ADAM32: variants seen among roughly 807,000 people sequenced by gnomAD.
ADAM32 encodes ADAM metallopeptidase domain 32.
In ADAM32, 89 loss-of-function variants were observed where a neutral mutation model predicts 114.9. The ratio of observed to expected loss-of-function variants is 0.77; its 90% confidence interval spans 0.65 to 0.92. The LOEUF is 0.92. Among genes scored for constraint, ADAM32 ranks in the 40% least tolerant of loss-of-function variants. ADAM32 has a pLI of 0.00. For missense variants in ADAM32, 870 were observed against 932.8 expected (o/e 0.93, Z 0.88); for synonymous variants, 285 against 307.5 (o/e 0.93, Z 0.77).
Position 39,234,062 on chromosome 8 carries a change from T to C in ADAM32, c.1798T>C (p.Ser600Pro), listed in dbSNP as rs1458172005. The C allele has an allele frequency of 6.8e-7, 1 of 1,479,890 alleles. No homozygotes were observed. Among genetic ancestry groups the C allele is most frequent in the African/African-American group, 1.4e-5 (1 of 70,952 alleles). The allele number at this position is 1,479,890 out of a possible 1,614,324, so 91.7% of individuals were successfully genotyped here. Reference sequence around the variant, plus strand: ...AGATCCACTGGCTGTCAAAAATGGCTCTCAGTGTGATATTGGGAGGGTAAA... The same window carrying C: ...AGATCCACTGGCTGTCAAAAATGGCCCTCAGTGTGATATTGGGAGGGTAAA... ...VPDPLAVKNG[S>P]QCDIGRVCVN... is the part of the protein sequence containing the mutation. The change falls in exon 16 of 25, where the codon TCT becomes CCT. Residue 600 changes from serine (S) to proline (P), a missense_variant. Ser to Pro is a moderately conservative substitution (Grantham distance 74). Transcript: ENST00000379907.
intron 2 of ADAM32, among the ~76,000 whole-genome samples, chr8:39,127,462 G>A (rs1802185622): frequency 6.6e-6 from 1 of 152,126 alleles, no homozygotes; most frequent in African/African-American, 2.4e-5. Context: ...TAGTTTATGT[G>A]CATAGAGGTG....
intron 3 of ADAM32, among the ~76,000 whole-genome samples, chr8:39,146,073 T>C (rs1264847797): frequency 5.3e-5 from 8 of 152,170 alleles, no homozygotes; most frequent in Admixed American, 3.3e-4. Flanking sequence ...GTCTTTTGGA[T>C]TGGACACTCA....
intron 1 of ADAM32, chr8:39,108,058 C>A: frequency 1.9e-6 from 1 of 513,796 alleles, no homozygotes; most frequent in Non-Finnish European, 3.2e-6. Context: ...CTGAGGCGAG[C>A]TGATTGTTTG....
chr8:39,120,587 C>G (rs1382288650), intron 2 of ADAM32, among the ~76,000 whole-genome samples: 1 of 151,774 alleles, frequency 6.6e-6, no homozygotes, highest in Non-Finnish European at 1.5e-5. Context: ...CATGGTGAAA[C>G]CCTGTCTCTA....
chr8:39,210,365 A>T (rs1343084502), intron 11 of ADAM32, among the ~76,000 whole-genome samples: 1 of 152,186 alleles, frequency 6.6e-6, no homozygotes, highest in African/African-American at 2.4e-5. Context: ...TCTTGTTGTT[A>T]TGCCAAAACC....
At chr8:39,129,962 T>C in intron 2 of ADAM32, 1 of 378,318 alleles carries the variant, frequency 2.6e-6, no homozygotes, top group Non-Finnish European at 5.2e-6. Context: ...TTCCTTTTTT[T>C]TTTTTTTTTC....
Position 39,223,209 on chromosome 8 carries a change from A to G in ADAM32, c.1496A>G (p.Asp499Gly). Reference protein sequence around the residue: ...ICYDGDCHDLDARCESVFGKG... With the variant: ...ICYDGDCHDLGARCESVFGKG... ...TATGACGGAGACTGCCATGATCTCG[A>G]TGCACGTTGTGAGAGTGTATTTGGA... The change falls in exon 14 of 25, where the codon GAT becomes GGT. Residue 499 changes from aspartate (D) to glycine (G), a missense_variant. Asp to Gly is a moderately conservative substitution (Grantham distance 94). Coordinates refer to ENST00000379907, the MANE Select transcript of ADAM32 (RefSeq NM_145004.7). 6.3e-7 allele frequency: 1 copy of G among 1,595,374 alleles called. No homozygotes were observed. Among genetic ancestry groups the G allele is most frequent in the Non-Finnish European group, 8.5e-7 (1 of 1,172,200 alleles).
chr8:39,113,363 TCTTGAA>T (rs147841450), intron 1 of ADAM32, among the ~76,000 whole-genome samples: 7,448 of 152,192 alleles, frequency 0.049, 615 homozygotes, highest in African/African-American at 0.17. Flanking sequence ...GCCATCTATA[TCTTGAA>T]CTTGCTGCAG....
At chr8:39,250,270 CT>C (rs199941796) in intron 17 of ADAM32, among the ~76,000 whole-genome samples, 47 of 146,610 alleles carry the variant, frequency 3.2e-4, no homozygotes, top group Admixed American at 5.5e-4. Flanking sequence ...TTTTTTCAAC[CT>C]TTTTTTTTTG....
At chr8:39,193,126 A>C (rs1365960386) in intron 11 of ADAM32, among the ~76,000 whole-genome samples, 1 of 152,152 alleles carries the variant, frequency 6.6e-6, no homozygotes, top group Non-Finnish European at 1.5e-5. Flanking sequence ...CATATCTTTC[A>C]GGGTTGCCAA....
At chr8:39,266,159 A>G (rs1348520748) in intron 19 of ADAM32, among the ~76,000 whole-genome samples, 1 of 152,054 alleles carries the variant, frequency 6.6e-6, no homozygotes, top group Non-Finnish European at 1.5e-5. Context: ...GTCATCTTGT[A>G]TGGTATCTCA....
intron 12 of ADAM32, among the ~76,000 whole-genome samples, chr8:39,215,692 G>A (rs1046974050): frequency 5.3e-5 from 8 of 151,956 alleles, no homozygotes; most frequent in Non-Finnish European, 1.2e-4. Context: ...ATTTGTAATA[G>A]TTTTCAAAAT....
intron 12 of ADAM32, among the ~76,000 whole-genome samples, chr8:39,213,461 ACTTTT>A (rs763952019): frequency 2.0e-5 from 3 of 151,160 alleles, no homozygotes; most frequent in Non-Finnish European, 3.0e-5. Context: ...CCCTTAACCA[ACTTTT>A]CTTTTCTTTT....
intron 12 of ADAM32, 68 bp downstream of exon 12, chr8:39,211,392 C>T (rs1334357175): frequency 1.5e-6 from 2 of 1,351,864 alleles, no homozygotes; most frequent in Non-Finnish European, 1.9e-6. Flanking sequence ...TCATAAATGT[C>T]ATATATCTCA....
intron 19 of ADAM32, among the ~76,000 whole-genome samples, chr8:39,266,559 G>T (rs529995333): frequency 1.3e-5 from 2 of 152,058 alleles, no homozygotes; most frequent in Admixed American, 6.5e-5. Context: ...TTAACTCTTC[G>T]ACCATGTTGC....
chr8:39,264,243 C>T (rs908500948), intron 19 of ADAM32, among the ~76,000 whole-genome samples: 1 of 152,118 alleles, frequency 6.6e-6, no homozygotes, highest in Admixed American at 6.5e-5. Flanking sequence ...ATACTTGTAA[C>T]TGATCTGTGT....
At chr8:39,151,818 C>A (rs1803851768) in intron 6 of ADAM32, among the ~76,000 whole-genome samples, 1 of 151,430 alleles carries the variant, frequency 6.6e-6, no homozygotes, top group African/African-American at 2.4e-5. Flanking sequence ...CATGCACCAC[C>A]ATACCAGACT....
intron 10 of ADAM32, among the ~76,000 whole-genome samples, chr8:39,179,796 C>T (rs371682496): frequency 3.3e-5 from 5 of 152,222 alleles, no homozygotes; most frequent in African/African-American, 1.2e-4. Flanking sequence ...AGTGTAAGAA[C>T]CTGGATACCT....
intron 14 of ADAM32, among the ~76,000 whole-genome samples, 184 bp from the exon 15 acceptor site, chr8:39,231,843 A>G (rs1809753534): frequency 1.3e-5 from 2 of 152,278 alleles, no homozygotes; most frequent in South Asian, 4.1e-4. Context: ...AAAATGAAGC[A>G]AAAGGAGCAA....
Sources: gnomAD v4.1 joint callset for allele counts (sites outside exome capture counted in the v4.1 genomes callset) on GRCh38, gnomAD v4.1.1 for gene constraint, MANE v1.5 for transcripts, NCBI Gene and HGNC (gene_info 2026-07-23, HGNC 2026-07-21) for gene names.